U2SURP: variants seen among roughly 807,000 people sequenced by gnomAD.
U2SURP encodes U2 snRNP associated SURP domain containing, also known as U2 snRNP-associated SURP motif-containing protein.
In U2SURP, 9 loss-of-function variants were observed where a neutral mutation model predicts 144.9. The observed-to-expected ratio is 0.06, with a 90% CI of 0.04 to 0.11. The LOEUF is 0.11. Among genes scored for constraint, U2SURP ranks in the 10% least tolerant of loss-of-function variants. The probability of loss-of-function intolerance (pLI) is 1.00; values close to 1 mark genes in which losing one functional copy is unlikely to be tolerated. For missense variants in U2SURP, 724 were observed against 1,226.7 expected, an observed-to-expected ratio of 0.59 and a Z score of 6.12; for synonymous variants, 408 against 396.8, an observed-to-expected ratio of 1.03 and a Z score of -0.33.
rs549904943 is a variant in U2SURP, at chr3:143,030,361, A to G, written c.1610+1715A>G. 2.6e-5 allele frequency among the ~76,000 whole-genome samples: 4 copies of G among 152,316 alleles called. No individual in the cohort carries two copies. The South Asian group carries it at 8.3e-4, about 32-fold the overall frequency. ...TTAGGACCATTAAGAATTTATGCTAAATCAACTCTGCCTGTGCTCTATAAA... is the reference window on the plus strand; with the variant it reads ...TTAGGACCATTAAGAATTTATGCTAGATCAACTCTGCCTGTGCTCTATAAA... On this transcript the variant is annotated intron_variant, in intron 16 of 27. Transcript: ENST00000473835.
chr3:143,018,499 T>C (rs1262049204), intron 6 of U2SURP, among the ~76,000 whole-genome samples: 1 of 152,226 alleles, frequency 6.6e-6, no homozygotes, highest in African/African-American at 2.4e-5. Context: ...GAAATAATGC[T>C]GCTGTAAACA....
At chr3:143,043,715 A>ATG (rs913806008) in intron 24 of U2SURP, among the ~76,000 whole-genome samples, 29 of 71,504 alleles carry the variant, frequency 4.1e-4, no homozygotes, top group Non-Finnish European at 5.9e-4. Context: ...TATAGATTAT[A>ATG]TGTATATATA....
chr3:143,033,324 T>G lies in U2SURP; in HGVS notation c.1827T>G (p.Val609=). 6 of 1,538,050 alleles carry G rather than the reference T, an allele frequency of 3.9e-6. No individual in the cohort carries two copies. Among genetic ancestry groups the G allele is most frequent in the Non-Finnish European group, 5.3e-6 (6 of 1,135,738 alleles). The change falls in exon 18 of 28, where the codon GTT becomes GTG. Residue 609 remains valine (V), a synonymous_variant. Coordinates refer to ENST00000473835, the MANE Select transcript of U2SURP (RefSeq NM_001080415.2). The part of the protein sequence containing the change: ...SDVLYNSSAK[V]ANASYYRKFF... ...TTTTGTACAACTCTTCAGCCAAAGTTGCTAATGCTTCATATTATAGAAAAT... is the reference window on the plus strand; with the variant it reads ...TTTTGTACAACTCTTCAGCCAAAGTGGCTAATGCTTCATATTATAGAAAAT...
intron 27 of U2SURP, 129 bp from the exon 28 acceptor site, chr3:143,056,180 TAGA>T: frequency 2.2e-6 from 2 of 899,496 alleles, no homozygotes; most frequent in Non-Finnish European, 3.3e-6. Context: ...GTTTAAATTT[TAGA>T]AGTTCATAGT....
rs936005054 is a variant in U2SURP at position 143,055,092 on chromosome 3, C to G, written c.2924C>G (p.Pro975Arg). The G allele has an allele frequency of 6.2e-7, 1 of 1,601,146 alleles. No individual in the cohort carries two copies. Among genetic ancestry groups the G allele is most frequent in the Non-Finnish European group, 8.5e-7 (1 of 1,175,392 alleles). ...SRSRSSHKDS[P>R]RDVSKKAKRS... ...TCCAGGTCATCTCACAAAGATTCTC[C>G]TAGAGATGTTAGCAAAAAAGCCAAA... Residue 975 changes from proline (P) to arginine (R), a missense_variant, in exon 27 of 28, where the codon CCT becomes CGT. Transcript: ENST00000473835.
At chr3:143,056,260 T>G in intron 27 of U2SURP, 52 bp from the exon 28 acceptor site, 1 of 1,536,552 alleles carries the variant, frequency 6.5e-7, no homozygotes, top group Non-Finnish European at 8.8e-7. Context: ...GATAAACAGT[T>G]TTGATCACAT....
At chr3:143,033,177 T>G in intron 17 of U2SURP, 94 bp from the exon 18 acceptor site, 6 of 864,414 alleles carry the variant, frequency 6.9e-6, no homozygotes. Context: ...GATACTGAGC[T>G]TCATATAACT....
intron 3 of U2SURP, 104 bp downstream of exon 3, chr3:143,012,457 C>T: frequency 2.7e-6 from 3 of 1,113,820 alleles, no homozygotes; most frequent in Admixed American, 3.6e-5. Flanking sequence ...GTATGTGTTT[C>T]ATCTTATTCT....
At chr3:143,032,687 G>T (rs1173794200) in intron 16 of U2SURP, 97 bp from the exon 17 acceptor site, 1 of 1,066,330 alleles carries the variant, frequency 9.4e-7, no homozygotes, top group Non-Finnish European at 1.4e-6. Flanking sequence ...ATTATTTTAT[G>T]TGAGTAGGTT....
intron 25 of U2SURP, among the ~76,000 whole-genome samples, chr3:143,051,471 T>C (rs1000130507): frequency 6.6e-6 from 1 of 151,998 alleles, no homozygotes; most frequent in Non-Finnish European, 1.5e-5. Flanking sequence ...GGACAGCAAG[T>C]GGTAGAATAC....
intron 21 of U2SURP, among the ~76,000 whole-genome samples, 162 bp from the exon 22 acceptor site, chr3:143,037,946 C>T (rs1475220752): frequency 6.6e-6 from 1 of 152,064 alleles, no homozygotes; most frequent in African/African-American, 2.4e-5. Flanking sequence ...CCCTCAGATG[C>T]AGAGAATTGG....
intron 26 of U2SURP, among the ~76,000 whole-genome samples, chr3:143,054,691 C>T (rs1935055182): frequency 6.6e-6 from 1 of 152,120 alleles, no homozygotes; most frequent in Non-Finnish European, 1.5e-5. Context: ...TTAGATTTTG[C>T]CAGTTGTTTC....
chr3:143,047,890 CA>C lies in U2SURP; in HGVS notation c.2545-3047del, dbSNP rs149876293. On this transcript the variant is annotated intron_variant, in intron 24 of 27. Coordinates refer to ENST00000473835, the MANE Select transcript of U2SURP (RefSeq NM_001080415.2). ...GGCCGGGCGGGGGGCTGACCCCCCC[CA>C]ACCTCCCTCCCGGACGGGGTCAGAA... 3.0e-3 allele frequency among the ~76,000 whole-genome samples: 403 copies of C among 136,020 alleles called. 6 individuals carry two copies. The highest frequency in any genetic ancestry group is 8.4e-3 in the African/African-American group (304 of 36,210). The allele number at this position is 136,020 out of a possible 152,430, so 89.2% of individuals were successfully genotyped here.
At chr3:143,026,851 A>T (rs937607553) in intron 13 of U2SURP, 1 of 193,602 alleles carries the variant, frequency 5.2e-6, no homozygotes, top group African/African-American at 2.3e-5. Flanking sequence ...TTATAATTTA[A>T]TGTTTTACTT....
Position 143,004,862 on chromosome 3 carries a change from G to A in U2SURP, c.45+3189G>A, listed in dbSNP as rs756070287. On this transcript the variant is annotated intron_variant, in intron 1 of 27. Transcript: ENST00000473835. ...TTGTTTATCACTAGTCTAAAATATT[G>A]CTTGGTTGGGGAGGGGTGTTGATGT... is the stretch of plus-strand genomic sequence containing the variant. 4.4e-4 allele frequency among the ~76,000 whole-genome samples: 67 copies of A among 152,120 alleles called. 2 individuals carry two copies. Among genetic ancestry groups the A allele is most frequent in the Middle Eastern group, 6.8e-3 (2 of 294 alleles).
rs369204857 is a variant in U2SURP, at chr3:143,044,065, CATCTT to C, written c.2544+790_2544+794del. On this transcript the variant is annotated intron_variant, in intron 24 of 27. Coordinates refer to ENST00000473835, the MANE Select transcript of U2SURP (RefSeq NM_001080415.2). ...ACCACACCCGGCAAGAAATCCATTT[CATCTT>C]GAGTGTTCATAGTTATGCAACTAGG... Among the ~76,000 whole-genome samples the C allele has an allele frequency of 3.9e-3, 594 of 152,096 alleles. 11 individuals are homozygous for C. In the South Asian group the frequency reaches 0.047, roughly 12 times the overall value.
Position 143,014,359 on chromosome 3 carries a change from A to G in U2SURP, c.271A>G (p.Thr91Ala). ...LKAFSIGKMS[T>A]AKRTLSKKEQ... ...AGCATTCAGTATTGGAAAAATGAGT[A>G]CAGCTAAGCGAACTTTAAGTAAAAA... Residue 91 changes from threonine (T) to alanine (A), a missense_variant, in exon 4 of 28, where the codon ACA (threonine) becomes GCA (alanine). Thr to Ala is a moderately conservative substitution (Grantham distance 58, BLOSUM62 0). Around this residue, in one of 13 missense-constraint regions of U2SURP, gnomAD observed 115 missense variants for 258.1 expected, o/e 0.45. Coordinates refer to ENST00000473835, the MANE Select transcript of U2SURP (RefSeq NM_001080415.2). 3 of 1,610,048 alleles carry G rather than the reference A, an allele frequency of 1.9e-6. No homozygotes were observed. Among genetic ancestry groups the G allele is most frequent in the South Asian group, 2.2e-5 (2 of 90,382 alleles).
At chr3:143,039,170 T>C (rs1423557634) in intron 23 of U2SURP, among the ~76,000 whole-genome samples, 1 of 151,894 alleles carries the variant, frequency 6.6e-6, no homozygotes, top group African/African-American at 2.4e-5. Context: ...TGCTTTTGAG[T>C]TTTTTACGCT....
intron 19 of U2SURP, among the ~76,000 whole-genome samples, chr3:143,035,231 A>G (rs1933748558): frequency 6.6e-6 from 1 of 152,180 alleles, no homozygotes; most frequent in African/African-American, 2.4e-5. Flanking sequence ...TTCATAAAAC[A>G]TACAGAAGAA....
Sources: gnomAD v4.1 joint callset for allele counts (sites outside exome capture counted in the v4.1 genomes callset) on GRCh38, gnomAD v4.1.1 for gene constraint, gnomAD v4.1.1 regional missense constraint, MANE v1.5 for transcripts, NCBI Gene and HGNC (gene_info 2026-07-23, HGNC 2026-07-21) for gene names.